Variants in DNMT3A observed in about 807,000 individuals in gnomAD.
DNMT3A encodes the protein DNA methyltransferase 3 alpha.
In DNMT3A, 267 loss-of-function variants were observed where a neutral mutation model predicts 117.6. The ratio of observed to expected loss-of-function variants is 2.27; its 90% CI spans 2.05 to 2.51. DNMT3A has a LOEUF of 2.51. Among genes scored for constraint, DNMT3A ranks in the 30% most tolerant of loss-of-function variants. DNMT3A has a pLI of 0.00. For synonymous variants in DNMT3A, 432 were observed against 474.8 expected, an observed-to-expected ratio of 0.91 and a Z score of 1.17; for missense variants, 1,029 against 1,260.2, an observed-to-expected ratio of 0.82 and a Z score of 2.78.
intron 2 of DNMT3A, among the ~76,000 whole-genome samples, chr2:25,303,992 G>A (rs947083107): frequency 4.6e-5 from 7 of 152,222 alleles, no homozygotes; most frequent in African/African-American, 1.7e-4. Context: ...TCTGCAAGTA[G>A]CCCTGAATTA....
At chr2:25,310,569 T>G (rs947096830) in intron 2 of DNMT3A, among the ~76,000 whole-genome samples, 2 of 152,116 alleles carry the variant, frequency 1.3e-5, no homozygotes, top group African/African-American at 4.8e-5. Flanking sequence ...CCCACAGCTC[T>G]GCACTCCGCC....
Position 25,244,247 on chromosome 2 carries a change from C to T in DNMT3A, c.1759G>A (p.Gly587Arg), listed in dbSNP as rs1674443394. Residue 587 changes from glycine (G) to arginine (R), a missense_variant, in exon 15 of 23, where the codon GGG becomes AGG. Gly to Arg is a moderately radical substitution (Grantham distance 125). Coordinates refer to ENST00000321117, the MANE Select transcript of DNMT3A (RefSeq NM_022552.5). ...KEDPWNCYMC[G>R]HKGTYGLLRR... is the part of the protein sequence containing the mutation. ...AGCAGCCCGTAGGTACCCTTGTGCC[C>T]GCACATGTAGCAGTTCCAGGGGTCT... is the stretch of plus-strand genomic sequence containing the variant. 6.2e-7 allele frequency: 1 copy of T among 1,613,992 alleles called. No individual in the cohort carries two copies. Among genetic ancestry groups the T allele is most frequent in the Non-Finnish European group, 8.5e-7 (1 of 1,180,018 alleles).
Position 25,286,005 on chromosome 2 carries a change from C to T in DNMT3A, c.178-3294G>A, listed in dbSNP as rs910879817. On this transcript the variant is annotated intron_variant, in intron 3 of 22. Coordinates refer to ENST00000321117, the MANE Select transcript of DNMT3A (RefSeq NM_022552.5). This position sits in a 1 kb window ranked among gnomAD's most constrained non-coding sequence, Gnocchi z 4.3. ...CTAAGAAGCTTAGGTCAGAGCCAGA[C>T]TTTTTCATGGCTGCGTCTTCCTTTC... Among the ~76,000 whole-genome samples the T allele has an allele frequency of 6.6e-6, 1 of 152,246 alleles. No homozygotes were observed. Among genetic ancestry groups the T allele is most frequent in the African/African-American group, 2.4e-5 (1 of 41,470 alleles).
intron 2 of DNMT3A, among the ~76,000 whole-genome samples, chr2:25,303,926 T>A (rs1260589193): frequency 2.0e-5 from 3 of 152,252 alleles, no homozygotes; most frequent in Non-Finnish European, 2.9e-5. Flanking sequence ...GGGTCTGTTT[T>A]ATTCCATATC....
intron 1 of DNMT3A, among the ~76,000 whole-genome samples, chr2:25,338,223 C>T (rs902370595): frequency 2.6e-5 from 4 of 152,204 alleles, no homozygotes; most frequent in African/African-American, 4.8e-5. Context: ...GAACTGGGCA[C>T]CACCTCCCAC....
chr2:25,234,436 CAG>C lies in DNMT3A; in HGVS notation c.2598-18_2598-17del. ...ACCAAATACCCTGGGGGAGAAAAGG[CAG>C]AGAGGGCAGGGTGAGTGCTGGCCAG... On this transcript the variant is annotated splice_polypyrimidine_tract_variant and intron_variant, in intron 22 of 22. Transcript: ENST00000321117. This position sits in a 1 kb window ranked among gnomAD's most constrained non-coding sequence, Gnocchi z 4.5. 6.2e-7 allele frequency: 1 copy of C among 1,609,230 alleles called. No individual in the cohort carries two copies. The highest frequency in any genetic ancestry group is 8.5e-7 in the Non-Finnish European group (1 of 1,177,158).
chr2:25,256,317 G>A (rs927752481), intron 6 of DNMT3A, among the ~76,000 whole-genome samples: 4 of 152,108 alleles, frequency 2.6e-5, no homozygotes, highest in African/African-American at 9.7e-5. Context: ...TGAAGCCCAC[G>A]CTTTGCCCGC....
At chr2:25,300,859 A>G (rs1419263574) in intron 2 of DNMT3A, among the ~76,000 whole-genome samples, 1 of 145,380 alleles carries the variant, frequency 6.9e-6, no homozygotes, top group Non-Finnish European at 1.5e-5. Flanking sequence ...TTTCCGAACC[A>G]TAAAATCATA....
At chr2:25,278,035 A>ACC (rs2031587568) in intron 4 of DNMT3A, among the ~76,000 whole-genome samples, 1 of 84,252 alleles carries the variant, frequency 1.2e-5, no homozygotes, top group Non-Finnish European at 2.8e-5. Flanking sequence ...ACACACACAC[A>ACC]CACAGACACA....
rs1674999351 is a variant in DNMT3A, at chr2:25,247,732, G to A, written c.873C>T (p.Gly291=). 1 of 1,612,740 alleles carries A rather than the reference G, an allele frequency of 6.2e-7. No homozygotes were observed. The change falls in exon 8 of 23, where the codon GGC becomes GGT. Residue 291 remains glycine, a synonymous_variant. Coordinates refer to ENST00000321117, the MANE Select transcript of DNMT3A (RefSeq NM_022552.5). The surrounding 1 kb of genome is among the most constrained non-coding windows in gnomAD (Gnocchi z 5.6). ...GTTTCCCCCACACCAGCTCCCCAAT[G>A]CCAAAGCCCCGGCCGTCCTGGAGCC... ...EPEYEDGRGF[G]IGELVWGKLR...
At chr2:25,279,693 T>A (rs1374861278) in intron 4 of DNMT3A, among the ~76,000 whole-genome samples, 1 of 151,908 alleles carries the variant, frequency 6.6e-6, no homozygotes, top group Non-Finnish European at 1.5e-5. Context: ...TTTTTTTTTT[T>A]TGTATTTTTT....
chr2:25,253,744 C>G (rs1050095602), intron 6 of DNMT3A, among the ~76,000 whole-genome samples: 3 of 152,206 alleles, frequency 2.0e-5, no homozygotes, highest in Non-Finnish European at 2.9e-5. Flanking sequence ...ATGCACCCCA[C>G]AGCAGAGGGC....
rs899422775 is a variant in DNMT3A at position 25,311,312 on chromosome 2, C to G, written c.72+2601G>C. Among the ~76,000 whole-genome samples, 22 of 152,226 alleles carry G rather than the reference C, an allele frequency of 1.4e-4. No homozygotes were observed. The highest frequency in any genetic ancestry group is 2.1e-4 in the Non-Finnish European group (14 of 68,042). ...GCAGACCAAGCCTGTGTCTTCCCCT[C>G]TGCAGCTACCAGCACCCCTGCCGCA... is the stretch of plus-strand genomic sequence containing the variant. On this transcript the variant is annotated intron_variant, in intron 2 of 22. Transcript: ENST00000321117. The surrounding 1 kb of genome is among the most constrained non-coding windows in gnomAD (Gnocchi z 5.2).
intron 3 of DNMT3A, among the ~76,000 whole-genome samples, chr2:25,284,645 T>TTAAAAAA (rs1287436463): frequency 1.8e-4 from 3 of 16,632 alleles, no homozygotes; most frequent in African/African-American, 1.2e-3. Context: ...AGACTCCATC[T>TTAAAAAA]AAAAAAAAAA....
rs1450383659 is a variant in DNMT3A at position 25,237,081 on chromosome 2, T to C, written c.2409-76A>G. ...AAGGGCCCCAGCTGCACGACTCCCCTCCCTCCCCCAGCAGCCACTAGTTCA... is the reference window on the plus strand; with the variant it reads ...AAGGGCCCCAGCTGCACGACTCCCCCCCCTCCCCCAGCAGCCACTAGTTCA... On this transcript the variant is annotated intron_variant, in intron 20 of 22. Coordinates refer to ENST00000321117, the MANE Select transcript of DNMT3A (RefSeq NM_022552.5). The surrounding 1 kb of genome is among the most constrained non-coding windows in gnomAD (Gnocchi z 5.4). 1.4e-6 allele frequency: 2 copies of C among 1,451,168 alleles called. No homozygotes were observed. Among genetic ancestry groups the C allele is most frequent in the Non-Finnish European group, 1.9e-6 (2 of 1,051,796 alleles). 89.9% of individuals were successfully genotyped at this position (1,451,168 alleles called of 1,614,324 possible).
intron 1 of DNMT3A, among the ~76,000 whole-genome samples, chr2:25,338,643 A>C (rs1223093824): frequency 6.6e-6 from 1 of 152,186 alleles, no homozygotes; most frequent in Non-Finnish European, 1.5e-5. Flanking sequence ...ATGGGGACCC[A>C]GGGAGGCAAG....
At position 25,289,560 on chromosome 2, in the gene DNMT3A, C is replaced by T. The variant is rs369485401; in HGVS notation, c.178-6849G>A. On this transcript the variant is annotated intron_variant, in intron 3 of 22. Transcript: ENST00000321117. Reference sequence around the variant, plus strand: ...TTTCTGAGGCCTGCCTTGGGTCACACGCCTCTGATCAGTAAAGCTTCCAGG... The same window carrying T: ...TTTCTGAGGCCTGCCTTGGGTCACATGCCTCTGATCAGTAAAGCTTCCAGG... Among the ~76,000 whole-genome samples the T allele has an allele frequency of 2.7e-4, 41 of 152,330 alleles. 1 individual carries two copies. Among genetic ancestry groups the T allele is most frequent in the African/African-American group, 8.4e-4 (35 of 41,574 alleles).
At chr2:25,330,590 G>A (rs532460352) in intron 1 of DNMT3A, among the ~76,000 whole-genome samples, 16 of 152,310 alleles carry the variant, frequency 1.1e-4, no homozygotes, top group South Asian at 2.1e-4. Context: ...GGTCTGGCTC[G>A]GAAAGCAGGG....
intron 6 of DNMT3A, among the ~76,000 whole-genome samples, chr2:25,258,974 G>A (rs1405392400): frequency 2.6e-5 from 4 of 152,178 alleles, no homozygotes; most frequent in Admixed American, 6.5e-5. Context: ...TGCTGGAAAG[G>A]AAAGCCCAAC....
Sources: gnomAD v4.1 joint callset for allele counts (sites outside exome capture counted in the v4.1 genomes callset) on GRCh38, gnomAD v4.1.1 for gene constraint, Gnocchi (gnomAD v3.1) non-coding constraint, MANE v1.5 for transcripts, NCBI Gene and HGNC (gene_info 2026-07-23, HGNC 2026-07-21) for gene names.